SLC28A3: variants seen among roughly 807,000 people sequenced by gnomAD.
The protein encoded by SLC28A3 is solute carrier family 28 member 3, also known as concentrative Na(+)-nucleoside cotransporter 3.
SLC28A3 carries 68 observed loss-of-function variants against 84.2 expected under a neutral mutation model. The observed-to-expected ratio is 0.81, with a 90% confidence interval of 0.66 to 0.99. The LOEUF is 0.99. Among genes scored for constraint, SLC28A3 ranks in the 50% least tolerant of loss-of-function variants. The pLI, the probability that SLC28A3 is intolerant of heterozygous loss-of-function variation, is 0.00. For missense variants in SLC28A3, 712 were observed against 841.5 expected, an observed-to-expected ratio of 0.85 and a Z score of 1.90; for synonymous variants, 267 against 303.6, an observed-to-expected ratio of 0.88 and a Z score of 1.25.
intron 1 of SLC28A3, among the ~76,000 whole-genome samples, chr9:84,322,846 A>G (rs533487082): frequency 1.3e-5 from 2 of 152,298 alleles, no homozygotes; most frequent in East Asian, 3.9e-4. Flanking sequence ...AAGAAAAAAA[A>G]GAAAGAATGA....
chr9:84,314,811 G>A (rs1434195750), intron 1 of SLC28A3, among the ~76,000 whole-genome samples: 2 of 152,260 alleles, frequency 1.3e-5, no homozygotes, highest in Non-Finnish European at 2.9e-5. Context: ...GGGTGTGGTG[G>A]CTGACGCCCG....
intron 1 of SLC28A3, among the ~76,000 whole-genome samples, chr9:84,340,317 A>C (rs1564183477): frequency 6.6e-6 from 1 of 152,166 alleles, no homozygotes. Context: ...GTGAGCCAGA[A>C]GGGAAAAAAG....
the SLC28A3 span, among the ~76,000 whole-genome samples, chr9:84,347,534 T>G: frequency 1.3e-5 from 2 of 152,080 alleles, no homozygotes; most frequent in African/African-American, 4.8e-5. Context: ...CTCACTCTAT[T>G]AGTGAGGAAA....
intron 2 of SLC28A3, among the ~76,000 whole-genome samples, chr9:84,313,033 T>A (rs919273439): frequency 6.6e-6 from 1 of 152,116 alleles, no homozygotes; most frequent in African/African-American, 2.4e-5. Flanking sequence ...TAGTAGAGGG[T>A]TCCTCTTGTT....
chr9:84,309,012 T>C (rs1194184903), intron 3 of SLC28A3, among the ~76,000 whole-genome samples: 1 of 152,222 alleles, frequency 6.6e-6, no homozygotes, highest in Non-Finnish European at 1.5e-5. Flanking sequence ...ACTGCATTCG[T>C]ATGGACTGGA....
intron 17 of SLC28A3, 112 bp from the exon 18 acceptor site, chr9:84,278,456 A>G (rs1824605852): frequency 7.1e-7 from 1 of 1,405,812 alleles, no homozygotes; most frequent in Non-Finnish European, 9.7e-7. Flanking sequence ...TTTCTTGCTC[A>G]CATTCTGGTT....
At chr9:84,367,247 G>T in the SLC28A3 span, among the ~76,000 whole-genome samples, 1 of 152,202 alleles carries the variant, frequency 6.6e-6, no homozygotes, top group African/African-American at 2.4e-5. Context: ...TAAGTCAGCT[G>T]GTGGTGAATG....
chr9:84,361,992 T>C, the SLC28A3 span, among the ~76,000 whole-genome samples: 2 of 152,232 alleles, frequency 1.3e-5, no homozygotes, highest in East Asian at 3.9e-4. Context: ...GCTGAGGAAA[T>C]GCATCTTAGT....
chr9:84,311,725 G>A (rs1036142282), intron 2 of SLC28A3, among the ~76,000 whole-genome samples: 9 of 152,082 alleles, frequency 5.9e-5, no homozygotes, highest in African/African-American at 9.7e-5. Flanking sequence ...GCACAGTGAC[G>A]GGTGCCGGTA....
chr9:84,299,827 C>T, intron 5 of SLC28A3, 102 bp from the exon 6 acceptor site: 1 of 1,341,458 alleles, frequency 7.5e-7, no homozygotes, highest in Non-Finnish European at 1.0e-6. Context: ...GAGTCTTGCT[C>T]TGTTGCCCAG....
At chr9:84,356,439 G>A in the SLC28A3 span, among the ~76,000 whole-genome samples, 2 of 152,194 alleles carry the variant, frequency 1.3e-5, no homozygotes, top group African/African-American at 4.8e-5. Context: ...ATTGTTCAGT[G>A]TGACTATCTG....
chr9:84,322,076 T>C (rs1415568767), intron 1 of SLC28A3, among the ~76,000 whole-genome samples: 1 of 152,154 alleles, frequency 6.6e-6, no homozygotes, highest in Admixed American at 6.5e-5. Flanking sequence ...AGAAACATTA[T>C]ATACTACATA....
chr9:84,299,786 C>T (rs1164467147), intron 5 of SLC28A3, 61 bp from the exon 6 acceptor site: 11 of 1,517,390 alleles, frequency 7.2e-6, no homozygotes, highest in Non-Finnish European at 8.8e-6. Context: ...GAATCATAAT[C>T]AGGCTTAATT....
chr9:84,352,197 T>C, the SLC28A3 span, among the ~76,000 whole-genome samples: 21 of 152,158 alleles, frequency 1.4e-4, no homozygotes, highest in Non-Finnish European at 2.5e-4. Context: ...TTTTGCTTTT[T>C]TTTTAAGACA....
At chr9:84,303,820 A>T (rs968519922) in intron 4 of SLC28A3, among the ~76,000 whole-genome samples, 1 of 152,200 alleles carries the variant, frequency 6.6e-6, no homozygotes, top group African/African-American at 2.4e-5. Flanking sequence ...TTTAATACAC[A>T]TGCTCCATAA....
At chr9:84,303,538 T>C (rs1825698917) in intron 4 of SLC28A3, among the ~76,000 whole-genome samples, 1 of 152,204 alleles carries the variant, frequency 6.6e-6, no homozygotes, top group Non-Finnish European at 1.5e-5. Flanking sequence ...TAGGCTGGTC[T>C]TGAACTCTTG....
Position 84,278,278 on chromosome 9 carries a change from G to C in SLC28A3, c.2016C>G (p.Gly672=), listed in dbSNP as rs1037855620. 6.2e-7 allele frequency: 1 copy of C among 1,614,138 alleles called. No homozygotes were observed. The highest frequency in any genetic ancestry group is 8.5e-7 in the Non-Finnish European group (1 of 1,180,020). Residue 672 remains glycine (G), a synonymous_variant, in exon 18 of 18, where the codon GGC becomes GGG. Coordinates refer to ENST00000376238, the MANE Select transcript of SLC28A3 (RefSeq NM_001199633.2). ...GGNHSLYSLK[G]CCTLLNPSTF... ...TCGATGGATTCAACAATGTGCAGCA[G>C]CCCTTCAAAGAATACAGACTGTGGT...
At chr9:84,360,901 C>T in the SLC28A3 span, among the ~76,000 whole-genome samples, 2,205 of 152,034 alleles carry the variant, frequency 0.015, 50 homozygotes, top group African/African-American at 0.05. Context: ...AAGACCTTGT[C>T]TCAAAATAAA....
the SLC28A3 span, among the ~76,000 whole-genome samples, chr9:84,362,512 G>A: frequency 4.6e-5 from 7 of 151,882 alleles, no homozygotes; most frequent in Admixed American, 2.6e-4. Flanking sequence ...CATGCCTGTA[G>A]TCCCAGCTAC....
Sources: gnomAD v4.1 joint callset for allele counts (sites outside exome capture counted in the v4.1 genomes callset) on GRCh38, gnomAD v4.1.1 for gene constraint, MANE v1.5 for transcripts, NCBI Gene and HGNC (gene_info 2026-07-23, HGNC 2026-07-21) for gene names.